Variants in SGCD observed in about 807,000 individuals in gnomAD.
The protein encoded by SGCD is sarcoglycan delta.
SGCD carries 18 observed loss-of-function variants against 36.6 expected under a neutral mutation model. That is an observed-to-expected ratio of 0.49 (90% CI 0.34 to 0.73). The LOEUF is 0.73. Among genes scored for constraint, SGCD ranks in the 30% least tolerant of loss-of-function variants. The pLI is 0.01. For synonymous variants in SGCD, 133 were observed against 130.6 expected, an observed-to-expected ratio of 1.02 and a Z score of -0.12; for missense variants, 387 against 346.7, an observed-to-expected ratio of 1.12 and a Z score of -0.92.
chr5:156,733,522 A>G (rs1561883621), intron 7 of SGCD, among the ~76,000 whole-genome samples: 4 of 152,068 alleles, frequency 2.6e-5, no homozygotes, highest in Non-Finnish European at 5.9e-5. Context: ...TCTGTAGATA[A>G]CTATCAGGTC....
chr5:156,344,405 CA>C (rs1161869713), intron 2 of SGCD, 83 bp from the exon 3 acceptor site: 12 of 913,074 alleles, frequency 1.3e-5, no homozygotes, highest in Non-Finnish European at 1.6e-6. Context: ...ATCTCTTCAT[CA>C]GTTGATTTTT....
intron 1 of SGCD, among the ~76,000 whole-genome samples, chr5:155,923,254 A>T (rs1008849040): frequency 1.3e-5 from 2 of 149,936 alleles, no homozygotes; most frequent in African/African-American, 4.9e-5. Context: ...ATACATGTAT[A>T]ATTTACCAAA....
chr5:156,350,969 C>T (rs1055685269), intron 3 of SGCD, among the ~76,000 whole-genome samples: 10 of 151,984 alleles, frequency 6.6e-5, no homozygotes, highest in African/African-American at 2.4e-4. Flanking sequence ...TACACTTTAC[C>T]TCCTCCTCCA....
chr5:155,822,707 T>A, the SGCD span, among the ~76,000 whole-genome samples: 1 of 152,226 alleles, frequency 6.6e-6, no homozygotes, highest in Non-Finnish European at 1.5e-5. Context: ...GATAGTTTTG[T>A]TTTCTTGAGC....
intron 6 of SGCD, among the ~76,000 whole-genome samples, chr5:156,643,095 T>C (rs571788466): frequency 1.3e-5 from 2 of 149,716 alleles, no homozygotes; most frequent in South Asian, 2.1e-4. Flanking sequence ...TGCAAAGGTG[T>C]GATCTTGGCT....
At chr5:155,996,952 G>A (rs971167507) in intron 1 of SGCD, among the ~76,000 whole-genome samples, 1 of 151,996 alleles carries the variant, frequency 6.6e-6, no homozygotes, top group Non-Finnish European at 1.5e-5. Context: ...CAGATAGATA[G>A]ATACCTATGT....
intron 7 of SGCD, among the ~76,000 whole-genome samples, chr5:156,691,387 A>G (rs1019881384): frequency 7.9e-5 from 12 of 152,122 alleles, no homozygotes; most frequent in African/African-American, 2.9e-4. Context: ...ACTGGACCAC[A>G]CAAATGTAGA....
At chr5:156,101,784 T>G (rs1761521964) in intron 1 of SGCD, among the ~76,000 whole-genome samples, 1 of 152,144 alleles carries the variant, frequency 6.6e-6, no homozygotes, top group African/African-American at 2.4e-5. Context: ...AGATAGAAAA[T>G]GTAATGGATA....
chr5:156,365,131 T>C lies in SGCD; in HGVS notation c.192+20454T>C, dbSNP rs1229278036. Among the ~76,000 whole-genome samples the C allele has an allele frequency of 2.0e-5, 3 of 152,230 alleles. No homozygotes were observed. In the South Asian group the frequency reaches 6.2e-4, roughly 32 times the overall value. ...CTTGAATAGACATTTCTCTAAGATGTACAAATGGTCATCAAGCACATACAA... is the reference window on the plus strand; with the variant it reads ...CTTGAATAGACATTTCTCTAAGATGCACAAATGGTCATCAAGCACATACAA... On this transcript the variant is annotated intron_variant, in intron 3 of 8. Coordinates refer to ENST00000337851, the MANE Select transcript of SGCD (RefSeq NM_000337.6).
At chr5:156,081,064 A>G (rs1201041758) in intron 1 of SGCD, among the ~76,000 whole-genome samples, 1 of 152,226 alleles carries the variant, frequency 6.6e-6, no homozygotes, top group Non-Finnish European at 1.5e-5. Context: ...TAGGCTGTAC[A>G]GGAGGCATTG....
At chr5:156,610,259 A>G (rs1477879904) in intron 6 of SGCD, among the ~76,000 whole-genome samples, 1 of 152,054 alleles carries the variant, frequency 6.6e-6, no homozygotes, top group Non-Finnish European at 1.5e-5. Flanking sequence ...TTTCCTTCTA[A>G]CAGTCAGGAC....
intron 1 of SGCD, among the ~76,000 whole-genome samples, chr5:156,073,804 G>A (rs900506805): frequency 9.2e-5 from 14 of 152,128 alleles, no homozygotes; most frequent in African/African-American, 3.1e-4. Context: ...TTAGCCACAG[G>A]GGTTTTCTTC....
intron 3 of SGCD, among the ~76,000 whole-genome samples, chr5:156,443,435 C>T (rs891677915): frequency 1.3e-5 from 2 of 152,138 alleles, no homozygotes; most frequent in African/African-American, 4.8e-5. Flanking sequence ...GATTCTGCAG[C>T]GTTTCCACCC....
chr5:155,929,596 A>G (rs1757062409), intron 1 of SGCD, among the ~76,000 whole-genome samples: 1 of 152,084 alleles, frequency 6.6e-6, no homozygotes, highest in Admixed American at 6.6e-5. Flanking sequence ...TTTTCCCCTA[A>G]GTTACCTTTC....
chr5:156,033,628 T>G (rs1160548813), intron 1 of SGCD, among the ~76,000 whole-genome samples: 3 of 152,214 alleles, frequency 2.0e-5, no homozygotes, highest in Non-Finnish European at 4.4e-5. Flanking sequence ...CTCTCCTCTT[T>G]AATGGAGGTG....
chr5:155,877,173 G>C (rs1755784198), intron 1 of SGCD, among the ~76,000 whole-genome samples: 1 of 152,056 alleles, frequency 6.6e-6, no homozygotes, highest in African/African-American at 2.4e-5. Context: ...GTTTGTGCTA[G>C]GATTAAATTC....
At chr5:156,547,536 G>A (rs1489727710) in intron 4 of SGCD, among the ~76,000 whole-genome samples, 8 of 151,348 alleles carry the variant, frequency 5.3e-5, no homozygotes, top group South Asian at 2.1e-4. Context: ...TCCGCCTCCC[G>A]GGTTCACGCC....
rs114923475 is a variant in SGCD at position 156,572,298 on chromosome 5, C to T, written c.295-16933C>T. Among the ~76,000 whole-genome samples the T allele has an allele frequency of 2.1e-3, 321 of 152,202 alleles. 1 individual carries two copies. Among genetic ancestry groups the T allele is most frequent in the African/African-American group, 7.3e-3 (304 of 41,510 alleles). Reference sequence around the variant, plus strand: ...GTTGCTGAGTAATATGGGAATTCCACGCTTAACTTATTGAGGAACTGACAA... The same window carrying T: ...GTTGCTGAGTAATATGGGAATTCCATGCTTAACTTATTGAGGAACTGACAA... On this transcript the variant is annotated intron_variant, in intron 4 of 8. Coordinates refer to ENST00000337851, the MANE Select transcript of SGCD (RefSeq NM_000337.6).
chr5:156,704,879 G>A (rs1253267961), intron 7 of SGCD, among the ~76,000 whole-genome samples: 2 of 151,294 alleles, frequency 1.3e-5, no homozygotes, highest in African/African-American at 4.9e-5. Flanking sequence ...CATTCACCTG[G>A]TGGTAGCTTG....
Sources: gnomAD v4.1 joint callset for allele counts (sites outside exome capture counted in the v4.1 genomes callset) on GRCh38, gnomAD v4.1.1 for gene constraint, MANE v1.5 for transcripts, NCBI Gene and HGNC (gene_info 2026-07-23, HGNC 2026-07-21) for gene names.